Variants in RHOJ observed in about 807,000 individuals in gnomAD.
RHOJ encodes ras homolog family member J.
In RHOJ, 11 loss-of-function variants were observed where a neutral mutation model predicts 23.4. The observed-to-expected ratio is 0.47, with a 90% CI of 0.30 to 0.78. The LOEUF is 0.78. Ranked by LOEUF, RHOJ falls within the 30% of genes least tolerant of loss-of-function variation. The pLI, the probability that RHOJ is intolerant of heterozygous loss-of-function variation, is 0.08. For synonymous variants in RHOJ, 102 were observed against 102.7 expected, an observed-to-expected ratio of 0.99 and a Z score of 0.04; for missense variants, 254 against 273.4, an observed-to-expected ratio of 0.93 and a Z score of 0.50.
intron 2 of RHOJ, chr14:63,269,411 C>T (rs1435235569): frequency 1.1e-5 from 4 of 368,582 alleles, no homozygotes; most frequent in Non-Finnish European, 1.5e-5. Flanking sequence ...GACTGATGAC[C>T]ATCAAAAACC....
At chr14:63,257,288 G>A (rs1895187258) in intron 1 of RHOJ, among the ~76,000 whole-genome samples, 1 of 143,530 alleles carries the variant, frequency 7.0e-6, no homozygotes, top group Non-Finnish European at 1.5e-5. Context: ...CCCCGACCCA[G>A]TCCCCAGCAT....
intron 4 of RHOJ, among the ~76,000 whole-genome samples, chr14:63,285,421 C>T (rs535900450): frequency 1.3e-5 from 2 of 152,210 alleles, no homozygotes; most frequent in South Asian, 4.1e-4. Context: ...TCCCCCCCAA[C>T]TTAAAGGCTT....
At chr14:63,211,389 T>C (rs2139727882) in intron 1 of RHOJ, among the ~76,000 whole-genome samples, 1 of 152,290 alleles carries the variant, frequency 6.6e-6, no homozygotes, top group African/African-American at 2.4e-5. Context: ...CCCTTGAGCC[T>C]AGAAGTTCAA....
chr14:63,207,879 G>C (rs980608018), intron 1 of RHOJ, among the ~76,000 whole-genome samples: 2 of 152,210 alleles, frequency 1.3e-5, no homozygotes, highest in African/African-American at 4.8e-5. Context: ...AGTGCCTCAT[G>C]TGTGATAAGA....
At chr14:63,266,011 C>T (rs532104816) in intron 1 of RHOJ, among the ~76,000 whole-genome samples, 90 of 152,214 alleles carry the variant, frequency 5.9e-4, no homozygotes, top group Admixed American at 2.1e-3. Flanking sequence ...AGAGAACAAA[C>T]GGTAAGCGTC....
intron 1 of RHOJ, among the ~76,000 whole-genome samples, chr14:63,228,546 C>T (rs1894635743): frequency 6.6e-6 from 1 of 151,630 alleles, no homozygotes; most frequent in Non-Finnish European, 1.5e-5. Flanking sequence ...AAGAATTGAT[C>T]TATAAATACC....
chr14:63,209,853 A>G (rs562514219), intron 1 of RHOJ, among the ~76,000 whole-genome samples: 17 of 152,112 alleles, frequency 1.1e-4, no homozygotes, highest in African/African-American at 4.1e-4. Context: ...AAAAATGTTT[A>G]TTATATTTAT....
chr14:63,228,111 G>T (rs530676227), intron 1 of RHOJ, among the ~76,000 whole-genome samples: 89 of 152,332 alleles, frequency 5.8e-4, no homozygotes, highest in African/African-American at 2.1e-3. Flanking sequence ...CTATGAGCAT[G>T]TCCAAGCACC....
intron 1 of RHOJ, among the ~76,000 whole-genome samples, chr14:63,246,527 T>A (rs1240287157): frequency 6.6e-6 from 1 of 152,200 alleles, no homozygotes; most frequent in Non-Finnish European, 1.5e-5. Flanking sequence ...ACTCTTTTTT[T>A]CCTGTACTAT....
chr14:63,235,662 A>C (rs543911463), intron 1 of RHOJ, among the ~76,000 whole-genome samples: 1 of 152,334 alleles, frequency 6.6e-6, no homozygotes, highest in Non-Finnish European at 1.5e-5. Flanking sequence ...CAAAACAAAA[A>C]ATTGGAATAA....
chr14:63,288,315 C>T (rs1882147749), intron 4 of RHOJ: 2 of 985,416 alleles, frequency 2.0e-6, no homozygotes, highest in Middle Eastern at 5.2e-4. Flanking sequence ...TGCAGGACTC[C>T]AGGTGTGAGT....
chr14:63,228,195 C>T (rs1004055427), intron 1 of RHOJ, among the ~76,000 whole-genome samples: 1 of 152,182 alleles, frequency 6.6e-6, no homozygotes, highest in South Asian at 2.1e-4. Flanking sequence ...AATATATGTA[C>T]ACTTTTACAC....
chr14:63,257,907 C>T (rs1245869505), intron 1 of RHOJ, among the ~76,000 whole-genome samples: 1 of 149,686 alleles, frequency 6.7e-6, no homozygotes. Flanking sequence ...CTGGCACAAC[C>T]TCACTTTGCC....
At chr14:63,273,841 C>T (rs1287950872) in intron 2 of RHOJ, among the ~76,000 whole-genome samples, 1 of 152,176 alleles carries the variant, frequency 6.6e-6, no homozygotes, top group Non-Finnish European at 1.5e-5. Flanking sequence ...GTGTCAGGAG[C>T]CAGGTGCAGC....
rs150345688 is a variant in RHOJ at position 63,283,190 on chromosome 14, G to A, written c.472G>A (p.Glu158Lys). The change falls in exon 4 of 5, where the codon GAG (glutamate) becomes AAG (lysine). Residue 158 changes from glutamate (E) to lysine (K), a missense_variant. Physicochemically the swap from Glu to Lys is moderately conservative, Grantham distance 56. Coordinates refer to ENST00000316754, the MANE Select transcript of RHOJ (RefSeq NM_020663.5). ...TATGAAAGAGAAACCTCTCACTTAC[G>A]AGCATGGTGTGAAGCTCGCAAAAGC... Reference protein sequence around the residue: ...LYMKEKPLTYEHGVKLAKAIG... With the variant: ...LYMKEKPLTYKHGVKLAKAIG... 826 of 1,613,986 alleles carry A rather than the reference G, an allele frequency of 5.1e-4. 1 individual carries two copies. Among genetic ancestry groups the A allele is most frequent in the East Asian group, 8.5e-4 (38 of 44,890 alleles).
chr14:63,279,377 C>T lies in RHOJ; in HGVS notation c.238-1594C>T, dbSNP rs74538075. 5.3e-5 allele frequency among the ~76,000 whole-genome samples: 8 copies of T among 152,196 alleles called. No homozygotes were observed. The East Asian group carries it at 1.5e-3, about 29-fold the overall frequency. On this transcript the variant is annotated intron_variant, in intron 2 of 4. Coordinates refer to ENST00000316754, the MANE Select transcript of RHOJ (RefSeq NM_020663.5). ...GTGTGTATGGACACATGTCATGTTG[C>T]GATATGTGATGTATATATAAATATG... is the stretch of plus-strand genomic sequence containing the variant.
At chr14:63,234,258 A>C (rs894621907) in intron 1 of RHOJ, among the ~76,000 whole-genome samples, 5 of 152,244 alleles carry the variant, frequency 3.3e-5, no homozygotes, top group African/African-American at 1.2e-4. Context: ...TGGGTCAAGC[A>C]TATAGTACCT....
At chr14:63,211,697 A>G (rs965010621) in intron 1 of RHOJ, among the ~76,000 whole-genome samples, 6 of 152,226 alleles carry the variant, frequency 3.9e-5, no homozygotes, top group African/African-American at 1.4e-4. Flanking sequence ...GTGCTACTGA[A>G]TACTAGATTT....
chr14:63,256,643 T>C (rs1895170687), intron 1 of RHOJ, among the ~76,000 whole-genome samples: 1 of 152,214 alleles, frequency 6.6e-6, no homozygotes, highest in African/African-American at 2.4e-5. Context: ...TGGACCGAAG[T>C]GACAAGAGTC....
Sources: gnomAD v4.1 joint callset for allele counts (sites outside exome capture counted in the v4.1 genomes callset) on GRCh38, gnomAD v4.1.1 for gene constraint, MANE v1.5 for transcripts, NCBI Gene and HGNC (gene_info 2026-07-23, HGNC 2026-07-21) for gene names.